CADM2: variants seen among roughly 807,000 people sequenced by gnomAD.
CADM2 encodes the protein cell adhesion molecule 2, also known as immunoglobulin superfamily member 4D.
CADM2 carries 12 observed loss-of-function variants against 49.8 expected under a neutral mutation model. The observed-to-expected ratio is 0.24, with a 90% confidence interval of 0.15 to 0.39. The LOEUF is 0.39. Among genes scored for constraint, CADM2 ranks in the 10% least tolerant of loss-of-function variants. CADM2 has a pLI of 1.00. For missense variants in CADM2, 378 were observed against 492.3 expected, an observed-to-expected ratio of 0.77 and a Z score of 2.20; for synonymous variants, 214 against 175.4, an observed-to-expected ratio of 1.22 and a Z score of -1.74.
intron 1 of CADM2, among the ~76,000 whole-genome samples, chr3:85,230,227 G>T (rs578145534): frequency 6.6e-6 from 1 of 152,168 alleles, no homozygotes; most frequent in Admixed American, 6.5e-5. Context: ...TCAGATCTTT[G>T]GGTATTTGTC....
chr3:85,903,079 G>A (rs1022012368), intron 5 of CADM2, among the ~76,000 whole-genome samples: 14 of 151,398 alleles, frequency 9.2e-5, no homozygotes, highest in African/African-American at 3.2e-4. Context: ...CTTATTCTAC[G>A]AAAAACTTAC....
At chr3:85,350,144 T>A (rs2031194289) in intron 1 of CADM2, among the ~76,000 whole-genome samples, 1 of 152,146 alleles carries the variant, frequency 6.6e-6, no homozygotes, top group South Asian at 2.1e-4. Flanking sequence ...CAGTAAGGAA[T>A]TATTTTAGTT....
chr3:85,436,616 C>T (rs1410410870), intron 1 of CADM2, among the ~76,000 whole-genome samples: 1 of 152,090 alleles, frequency 6.6e-6, no homozygotes, highest in African/African-American at 2.4e-5. Flanking sequence ...AATAAATTTA[C>T]TTTTATGTTA....
At position 85,482,954 on chromosome 3, in the gene CADM2, A is replaced by G. The variant is rs116401863; in HGVS notation, c.62-243568A>G. Among the ~76,000 whole-genome samples the G allele has an allele frequency of 3.4e-3, 517 of 151,720 alleles. 2 individuals carry two copies. The highest frequency in any genetic ancestry group is 0.012 in the African/African-American group (492 of 41,518). ...GAATATATATTTGACAAAATTATAAATGGTTATTAAATCGGTCCTTTGATT... is the reference window on the plus strand; with the variant it reads ...GAATATATATTTGACAAAATTATAAGTGGTTATTAAATCGGTCCTTTGATT... On this transcript the variant is annotated intron_variant, in intron 1 of 9. Transcript: ENST00000383699.
intron 1 of CADM2, among the ~76,000 whole-genome samples, chr3:85,089,636 T>A (rs531304188): frequency 6.6e-6 from 1 of 152,196 alleles, no homozygotes; most frequent in African/African-American, 2.4e-5. Context: ...GTTTAAGGAC[T>A]GAAAAGTATT....
At chr3:85,851,716 A>T (rs2075116384) in intron 3 of CADM2, among the ~76,000 whole-genome samples, 1 of 151,060 alleles carries the variant, frequency 6.6e-6, no homozygotes. Context: ...CATAACAGCT[A>T]AACTCAGCAG....
At chr3:85,218,713 T>C (rs1020715419) in intron 1 of CADM2, among the ~76,000 whole-genome samples, 9 of 152,116 alleles carry the variant, frequency 5.9e-5, no homozygotes, top group African/African-American at 2.2e-4. Context: ...GGAGAGTCAC[T>C]TGAACTCGGG....
At position 85,961,005 on chromosome 3, in the gene CADM2, CATT is replaced by C. The variant is rs956516163; in HGVS notation, c.792-455_792-453del. Among the ~76,000 whole-genome samples the C allele has an allele frequency of 1.4e-4, 19 of 139,228 alleles. No homozygotes were observed. The East Asian group carries it at 2.0e-3, about 15-fold the overall frequency. The allele number at this position is 139,228 out of a possible 152,430, so 91.3% of individuals were successfully genotyped here. On this transcript the variant is annotated intron_variant, in intron 7 of 9. Transcript: ENST00000383699. ...ATTATAATAAGTATTATTTAGTATT[CATT>C]ATTATTATATATATTTATACTCATA...
At position 86,066,814 on chromosome 3, in the gene CADM2, C is replaced by A. The variant is rs1739393821; in HGVS notation, c.*31C>A. On this transcript the variant is annotated 3_prime_UTR_variant, in exon 10 of 10. Coordinates refer to ENST00000383699, the MANE Select transcript of CADM2 (RefSeq NM_001167675.2). ...AGGCCAAGATTCTGAGTTTTACTAC[C>A]AGGCTGAATGCTGGAGAAAACTGGC... 7.0e-7 allele frequency: 1 copy of A among 1,438,126 alleles called. No homozygotes were observed. The highest frequency in any genetic ancestry group is 1.4e-5 in the African/African-American group (1 of 71,296). The allele number at this position is 1,438,126 out of a possible 1,614,324, so 89.1% of individuals were successfully genotyped here.
intron 1 of CADM2, among the ~76,000 whole-genome samples, chr3:85,122,743 C>A (rs1034884296): frequency 2.6e-5 from 4 of 152,168 alleles, no homozygotes; most frequent in African/African-American, 7.2e-5. Context: ...TCAATCCTTG[C>A]CGGATTCCTT....
chr3:85,093,468 G>T (rs1248751268), intron 1 of CADM2, among the ~76,000 whole-genome samples: 1 of 135,974 alleles, frequency 7.4e-6, no homozygotes, highest in African/African-American at 2.8e-5. Context: ...AGTGAGCCGA[G>T]ATCACACCAC....
intron 1 of CADM2, among the ~76,000 whole-genome samples, chr3:85,419,289 A>G (rs1446148092): frequency 2.8e-5 from 2 of 70,472 alleles, no homozygotes; most frequent in Non-Finnish European, 6.6e-5. Flanking sequence ...CCCCGTCTCT[A>G]CTAAAATTAC....
chr3:84,996,273 T>A (rs1009079444), intron 1 of CADM2, among the ~76,000 whole-genome samples: 6 of 152,126 alleles, frequency 3.9e-5, no homozygotes, highest in Non-Finnish European at 8.8e-5. Context: ...GGCAAGTTAT[T>A]AATATTAAGT....
chr3:85,742,721 A>G (rs1023123360), intron 2 of CADM2, among the ~76,000 whole-genome samples: 2 of 152,126 alleles, frequency 1.3e-5, no homozygotes, highest in Non-Finnish European at 2.9e-5. Flanking sequence ...AATATTTTTA[A>G]CTATTAATAT....
intron 1 of CADM2, among the ~76,000 whole-genome samples, chr3:85,032,493 A>T (rs899021856): frequency 9.9e-5 from 15 of 152,220 alleles, no homozygotes; most frequent in African/African-American, 3.6e-4. Flanking sequence ...TAAGAAAAAA[A>T]TGTAAAAGAA....
chr3:85,433,885 A>G (rs949176373), intron 1 of CADM2, among the ~76,000 whole-genome samples: 1 of 152,110 alleles, frequency 6.6e-6, no homozygotes, highest in Admixed American at 6.6e-5. Flanking sequence ...TTATAACTTG[A>G]AAAGTAACCA....
Position 84,984,356 on chromosome 3 carries a change from T to TAAAAAAAAAAAAAAAAAAAAA in CADM2, c.61+24697_61+24717dup, listed in dbSNP as rs375702349. Among the ~76,000 whole-genome samples, 6 of 67,064 alleles carry TAAAAAAAAAAAAAAAAAAAAA rather than the reference T, an allele frequency of 8.9e-5. 2 individuals are homozygous for TAAAAAAAAAAAAAAAAAAAAA. The highest frequency in any genetic ancestry group is 4.5e-4 in the African/African-American group (6 of 13,332). The allele number at this position is 67,064 out of a possible 152,430, so 44.0% of individuals were successfully genotyped here. A position where few individuals can be genotyped will look rare whatever the true frequency, so the allele number is the denominator to read the frequency against. On this transcript the variant is annotated intron_variant, in intron 1 of 9. Coordinates refer to ENST00000383699, the MANE Select transcript of CADM2 (RefSeq NM_001167675.2). The stretch of plus-strand genomic sequence containing the variant: ...CCTCATAGCCACCTCAAGATTAAGC[T>TAAAAAAAAAAAAAAAAAAAAA]AAAAAAAAAAAAAAAAAAAAAAAAA...
At chr3:85,274,739 C>T (rs550480940) in intron 1 of CADM2, among the ~76,000 whole-genome samples, 68 of 151,520 alleles carry the variant, frequency 4.5e-4, no homozygotes, top group Non-Finnish European at 8.0e-4. Flanking sequence ...CAAGACAGAC[C>T]TTCTTGTCTT....
intron 1 of CADM2, among the ~76,000 whole-genome samples, chr3:85,423,029 G>T (rs1226783031): frequency 6.6e-6 from 1 of 152,142 alleles, no homozygotes; most frequent in Non-Finnish European, 1.5e-5. Context: ...GAAGGTGAAT[G>T]CAGGGATTTT....
Sources: gnomAD v4.1 joint callset for allele counts (sites outside exome capture counted in the v4.1 genomes callset) on GRCh38, gnomAD v4.1.1 for gene constraint, MANE v1.5 for transcripts, NCBI Gene and HGNC (gene_info 2026-07-23, HGNC 2026-07-21) for gene names.